The following NBPF15 variants were observed in gnomAD, a reference collection of about 807,000 sequenced individuals.
The protein encoded by NBPF15 is NBPF member 15.
NBPF15 carries 74 observed loss-of-function variants against 62.2 expected under a neutral mutation model. The observed-to-expected ratio is 1.19, with a 90% CI of 0.99 to 1.44. The LOEUF (loss-of-function observed/expected upper bound fraction) is 1.44. NBPF15 is among the 40% of genes most tolerant of loss of function. The probability of loss-of-function intolerance (pLI) is 0.00; values close to 1 mark genes in which losing one functional copy is unlikely to be tolerated. For synonymous variants in NBPF15, 244 were observed against 209.7 expected (o/e 1.16, Z -1.41); for missense variants, 790 against 550.0 (o/e 1.44, Z -4.36).
chr1:144,445,092 G>T (rs1686311866), intron 6 of NBPF15, among the ~76,000 whole-genome samples: 1 of 151,182 alleles, frequency 6.6e-6, no homozygotes, highest in African/African-American at 2.4e-5. Context: ...TTGTTGCACT[G>T]ATTGATCTCC....
intron 4 of NBPF15, among the ~76,000 whole-genome samples, chr1:144,451,129 G>C (rs1311341851): frequency 2.0e-5 from 3 of 151,840 alleles, no homozygotes; most frequent in African/African-American, 7.3e-5. Context: ...TAGGATAATA[G>C]TGGAGAGAAG....
rs1553538468 is a variant in NBPF15, at chr1:144,422,965, A to G, written c.*48T>C. On this transcript the variant is annotated 3_prime_UTR_variant, in exon 22 of 22. Transcript: ENST00000581897. Reference sequence around the variant, plus strand: ...CTTTCATTCAAATCTTCTCGTGCCTATAGGTCCTGCCTGCAGGAATGACAT... The same window carrying G: ...CTTTCATTCAAATCTTCTCGTGCCTGTAGGTCCTGCCTGCAGGAATGACAT... The G allele has an allele frequency of 1.2e-6, 2 of 1,611,612 alleles. No individual in the cohort carries two copies. Among genetic ancestry groups the G allele is most frequent in the East Asian group, 2.2e-5 (1 of 44,860 alleles).
intron 6 of NBPF15, among the ~76,000 whole-genome samples, chr1:144,442,191 ACGTGT>A (rs1683736060): frequency 1.8e-5 from 2 of 109,452 alleles, no homozygotes; most frequent in African/African-American, 7.9e-5. Context: ...ATATATATAC[ACGTGT>A]ATATATATTA....
At chr1:144,429,104 C>G (rs1389916939) in intron 14 of NBPF15, among the ~76,000 whole-genome samples, 35 of 151,864 alleles carry the variant, frequency 2.3e-4, no homozygotes, top group Non-Finnish European at 1.0e-4. Context: ...TGGTTCTACA[C>G]AGAAGCATCA....
At chr1:144,455,283 GGGAAGGAA>G (rs145460444) in intron 4 of NBPF15, among the ~76,000 whole-genome samples, 14 of 142,816 alleles carry the variant, frequency 9.8e-5, no homozygotes, top group East Asian at 6.2e-4. Flanking sequence ...GAGAGAAGTA[GGGAAGGAA>G]GGAAGGAAGG....
At chr1:144,442,237 T>A (rs1184386725) in intron 6 of NBPF15, among the ~76,000 whole-genome samples, 1 of 119,716 alleles carries the variant, frequency 8.4e-6, no homozygotes, top group East Asian at 2.3e-4. Context: ...ATTAATAATA[T>A]ATATTATTAA....
chr1:144,447,662 G>C (rs1449381741), intron 6 of NBPF15, among the ~76,000 whole-genome samples: 16 of 152,106 alleles, frequency 1.1e-4, no homozygotes, highest in African/African-American at 3.9e-4. Flanking sequence ...AATAATGCCA[G>C]GTGACACTAA....
chr1:144,423,369 T>A, intron 21 of NBPF15, 113 bp from the exon 22 acceptor site: 2 of 1,582,404 alleles, frequency 1.3e-6, no homozygotes, highest in East Asian at 2.3e-5. Flanking sequence ...AAGGATAGAT[T>A]CATTAATGAG....
chr1:144,423,024 A>C lies in NBPF15; in HGVS notation c.2002T>G (p.Phe668Val), dbSNP rs1553538492. Residue 668 changes from phenylalanine (F) to valine (V), a missense_variant, in exon 22 of 22, where the codon TTC (phenylalanine) becomes GTC (valine). Coordinates refer to ENST00000581897, the MANE Select transcript of NBPF15 (RefSeq NM_001385408.1). The part of the protein sequence containing the change: ...LHLVFQMGVI[F>V]PQ ...TTAGTAAGAGCTGCTTATTGTGGGAATATGACTCCCATCTGGAACACCAGG... is the reference window on the plus strand; with the variant it reads ...TTAGTAAGAGCTGCTTATTGTGGGACTATGACTCCCATCTGGAACACCAGG... 3 of 1,611,646 alleles carry C rather than the reference A, an allele frequency of 1.9e-6. No homozygotes were observed. Among genetic ancestry groups the C allele is most frequent in the East Asian group, 2.2e-5 (1 of 44,866 alleles).
chr1:144,457,874 G>A (rs1455155056), intron 3 of NBPF15, among the ~76,000 whole-genome samples: 1 of 151,900 alleles, frequency 6.6e-6, no homozygotes, highest in African/African-American at 2.4e-5. Context: ...AGGATCATTT[G>A]AGCCCAGGAG....
rs1362863228 is a variant in NBPF15, at chr1:144,424,049, C to T, written c.1664-74G>A. The T allele has an allele frequency of 1.7e-5, 13 of 759,026 alleles. 1 individual carries two copies. Among genetic ancestry groups the T allele is most frequent in the East Asian group, 2.4e-5 (1 of 40,890 alleles). The allele number at this position is 759,026 out of a possible 1,614,324, so 47.0% of individuals were successfully genotyped here. ...ACATATAACAATCCACTGTCTAATC[C>T]TCACACAGGGACCTCAGGCTCCTCA... On this transcript the variant is annotated intron_variant, in intron 20 of 21. Transcript: ENST00000581897.
chr1:144,427,029 A>C lies in NBPF15; in HGVS notation c.1265+18T>G, dbSNP rs1343952034. On this transcript the variant is annotated intron_variant, in intron 17 of 21. Coordinates refer to ENST00000581897, the MANE Select transcript of NBPF15 (RefSeq NM_001385408.1). ...GGTGTCAACACACAATTAAGCATCC[A>C]TAATTGCTCAAAGTTACCTGGGGCA... 4.0e-6 allele frequency: 3 copies of C among 758,624 alleles called. No homozygotes were observed. The African/African-American group carries it at 5.2e-5, about 13-fold the overall frequency. The allele number at this position is 758,624 out of a possible 1,614,324, so 47.0% of individuals were successfully genotyped here. A position where few individuals can be genotyped will look rare whatever the true frequency, so the allele number is the denominator to read the frequency against.
In NBPF15 at chr1:144,435,232, AG is replaced by A; in HGVS notation, c.650del (p.Pro217LeufsTer101). On this transcript the variant is annotated frameshift_variant, in exon 12 of 22. Transcript: ENST00000581897. LOFTEE classifies it high-confidence loss of function. Reference sequence around the variant, plus strand: ...TCTTATGTGGCTGGTTGGAGTCATAAGGGCCATGGCTATTTGAACAAGTGAT... The same window carrying A: ...TCTTATGTGGCTGGTTGGAGTCATAAGGCCATGGCTATTTGAACAAGTGAT... ...CAITCSNSHG[P>X]YDSNQPHKKT... is the part of the protein sequence containing the mutation. 1 of 1,612,936 alleles carries A rather than the reference AG, an allele frequency of 6.2e-7. No homozygotes were observed. The highest frequency in any genetic ancestry group is 1.8e-4 in the Middle Eastern group (1 of 5,520).
At chr1:144,426,922 C>T in intron 17 of NBPF15, 125 bp downstream of exon 17, 1 of 588,864 alleles carries the variant, frequency 1.7e-6, no homozygotes, top group East Asian at 2.9e-5. Flanking sequence ...AAACCAACAG[C>T]AATGTCAGGA....
chr1:144,451,882 T>C (rs1405738287), intron 4 of NBPF15, among the ~76,000 whole-genome samples: 3 of 151,820 alleles, frequency 2.0e-5, no homozygotes, highest in Non-Finnish European at 1.5e-5. Flanking sequence ...GGTCAGGCCG[T>C]GGCTCATGTC....
intron 1 of NBPF15, 120 bp downstream of exon 1, chr1:144,461,261 G>A (rs1447391731): frequency 1.3e-5 from 2 of 152,002 alleles, no homozygotes; most frequent in Non-Finnish European, 2.9e-5. Context: ...CTTAAGCCCC[G>A]GCGGGGCCGG....
At chr1:144,439,330 T>C (rs1681101779) in intron 8 of NBPF15, among the ~76,000 whole-genome samples, 1 of 151,956 alleles carries the variant, frequency 6.6e-6, no homozygotes, top group African/African-American at 2.4e-5. Context: ...ACAGGTTCTA[T>C]TAGGAGTAGA....
chr1:144,453,627 A>G (rs1406134415), intron 4 of NBPF15, among the ~76,000 whole-genome samples: 4 of 140,382 alleles, frequency 2.8e-5, no homozygotes, highest in Non-Finnish European at 6.1e-5. Flanking sequence ...TGAGAACTAA[A>G]CAACACAAAG....
At chr1:144,423,280 G>T (rs1553538612) in intron 21 of NBPF15, 24 bp from the exon 22 acceptor site, 2 of 1,611,286 alleles carry the variant, frequency 1.2e-6, no homozygotes, top group South Asian at 2.2e-5. Flanking sequence ...CAAAACTAAA[G>T]AAGCAGCCAG....
Sources: gnomAD v4.1 joint callset for allele counts (sites outside exome capture counted in the v4.1 genomes callset) on GRCh38, gnomAD v4.1.1 for gene constraint, MANE v1.5 for transcripts, NCBI Gene and HGNC (gene_info 2026-07-23, HGNC 2026-07-21) for gene names.